The following AGBL1 variants were observed in gnomAD, a reference collection of about 807,000 sequenced individuals.
AGBL1 encodes the protein AGBL carboxypeptidase 1.
In AGBL1, 130 loss-of-function variants were observed where a neutral mutation model predicts 118.9. The ratio of observed to expected loss-of-function variants is 1.09; its 90% confidence interval spans 0.95 to 1.26. AGBL1 has a LOEUF of 1.26. Ranked by LOEUF, AGBL1 falls within the 50% of genes most tolerant of loss-of-function variation. The probability of loss-of-function intolerance (pLI) is 0.00; values close to 1 mark genes in which losing one functional copy is unlikely to be tolerated. For missense variants in AGBL1, 1,584 were observed against 1,298.1 expected (o/e 1.22, Z -3.38); for synonymous variants, 555 against 478.9 (o/e 1.16, Z -2.08).
intron 23 of AGBL1, among the ~76,000 whole-genome samples, chr15:86,940,307 GATAATA>G (rs1310324457): frequency 6.6e-6 from 1 of 151,882 alleles, no homozygotes; most frequent in African/African-American, 2.4e-5. Flanking sequence ...GTAAAATGGA[GATAATA>G]ATAATATAGA....
At chr15:86,969,460 G>C (rs955268761) in intron 23 of AGBL1, among the ~76,000 whole-genome samples, 2 of 151,728 alleles carry the variant, frequency 1.3e-5, no homozygotes, top group African/African-American at 4.9e-5. Context: ...CCATGTCCCA[G>C]ACCAGAGTCA....
chr15:86,221,725 C>T (rs2078283489), intron 5 of AGBL1, among the ~76,000 whole-genome samples: 1 of 151,976 alleles, frequency 6.6e-6, no homozygotes, highest in South Asian at 2.1e-4. Context: ...TATGTGGACA[C>T]TACATCCAAA....
chr15:86,520,669 G>T (rs928043789), intron 18 of AGBL1, among the ~76,000 whole-genome samples: 10 of 152,128 alleles, frequency 6.6e-5, no homozygotes, highest in Non-Finnish European at 1.3e-4. Context: ...TATACAAGCA[G>T]AAATGCTTTT....
intron 21 of AGBL1, among the ~76,000 whole-genome samples, chr15:86,633,588 TTA>T (rs1167662270): frequency 3.3e-5 from 5 of 151,988 alleles, no homozygotes; most frequent in East Asian, 1.9e-4. Context: ...TGATGGTTCT[TTA>T]TATAGGTGTT....
At chr15:86,972,121 G>A (rs2081114723) in intron 23 of AGBL1, among the ~76,000 whole-genome samples, 1 of 151,932 alleles carries the variant, frequency 6.6e-6, no homozygotes, top group South Asian at 2.1e-4. Flanking sequence ...CTAATACACT[G>A]ATGAATATAG....
intron 24 of AGBL1, among the ~76,000 whole-genome samples, chr15:87,017,388 A>T (rs1042242614): frequency 5.3e-5 from 8 of 152,130 alleles, no homozygotes; most frequent in African/African-American, 1.9e-4. Flanking sequence ...TTGGGCTGGC[A>T]ACATGTCCGT....
At chr15:86,972,314 C>T (rs1312579684) in intron 23 of AGBL1, among the ~76,000 whole-genome samples, 1 of 151,910 alleles carries the variant, frequency 6.6e-6, no homozygotes, top group Non-Finnish European at 1.5e-5. Flanking sequence ...CTGAAATAGG[C>T]CTTGCTATTT....
At chr15:86,487,085 C>G (rs2082722693) in intron 18 of AGBL1, among the ~76,000 whole-genome samples, 1 of 152,114 alleles carries the variant, frequency 6.6e-6, no homozygotes, top group African/African-American at 2.4e-5. Flanking sequence ...TCTAACCATC[C>G]TGCCAGCCCT....
chr15:86,105,591 G>A (rs1042510359), intron 1 of AGBL1, among the ~76,000 whole-genome samples: 1 of 152,192 alleles, frequency 6.6e-6, no homozygotes, highest in South Asian at 2.1e-4. Context: ...GAAGGAAGAA[G>A]GTGAGGGGAA....
chr15:86,301,481 T>C (rs2079744318), intron 17 of AGBL1, among the ~76,000 whole-genome samples: 1 of 151,960 alleles, frequency 6.6e-6, no homozygotes, highest in African/African-American at 2.4e-5. Context: ...TAATGAGTTC[T>C]CTCCATGGAA....
intron 19 of AGBL1, among the ~76,000 whole-genome samples, chr15:86,523,880 A>G (rs1373804473): frequency 2.6e-5 from 4 of 152,238 alleles, no homozygotes; most frequent in African/African-American, 9.6e-5. Flanking sequence ...ATGCTCATTT[A>G]TTAACTACAA....
intron 21 of AGBL1, among the ~76,000 whole-genome samples, chr15:86,605,491 T>C (rs533263471): frequency 1.3e-5 from 2 of 152,082 alleles, no homozygotes; most frequent in Admixed American, 6.5e-5. Context: ...AACTTCTACA[T>C]TGAGGGAAAT....
intron 18 of AGBL1, among the ~76,000 whole-genome samples, chr15:86,520,533 C>T (rs2083174918): frequency 1.3e-5 from 2 of 152,136 alleles, no homozygotes; most frequent in South Asian, 4.1e-4. Context: ...AGTGGTAATA[C>T]GTGAGCCTTC....
At chr15:86,690,988 G>C (rs1021556092) in intron 22 of AGBL1, among the ~76,000 whole-genome samples, 1 of 151,814 alleles carries the variant, frequency 6.6e-6, no homozygotes, top group African/African-American at 2.4e-5. Flanking sequence ...TCTTTTATGT[G>C]GACATTTATT....
chr15:87,027,184 C>G (rs2081737388), intron 24 of AGBL1, among the ~76,000 whole-genome samples: 1 of 151,926 alleles, frequency 6.6e-6, no homozygotes, highest in Non-Finnish European at 1.5e-5. Context: ...AAAAATAGCT[C>G]AACATCACTG....
chr15:86,188,838 GA>G (rs1890187936), intron 5 of AGBL1, among the ~76,000 whole-genome samples: 1 of 152,178 alleles, frequency 6.6e-6, no homozygotes, highest in East Asian at 1.9e-4. Flanking sequence ...GAGACAAGAA[GA>G]AATCTCTTGT....
At chr15:86,996,970 T>G (rs2081385957) in intron 24 of AGBL1, among the ~76,000 whole-genome samples, 1 of 152,158 alleles carries the variant, frequency 6.6e-6, no homozygotes, top group South Asian at 2.1e-4. Context: ...ATATCCATTA[T>G]AAAACTTATT....
chr15:86,282,759 G>A (rs1040922095), intron 16 of AGBL1, among the ~76,000 whole-genome samples: 8 of 152,170 alleles, frequency 5.3e-5, no homozygotes, highest in Admixed American at 5.2e-4. Context: ...AATTAAATGC[G>A]AATGATACCC....
chr15:86,124,654 T>G (rs1431716008), intron 1 of AGBL1, among the ~76,000 whole-genome samples: 1 of 152,164 alleles, frequency 6.6e-6, no homozygotes, highest in Non-Finnish European at 1.5e-5. Flanking sequence ...TTTAAGCAAA[T>G]CAGCATGTTC....
Sources: gnomAD v4.1 joint callset for allele counts (sites outside exome capture counted in the v4.1 genomes callset) on GRCh38, gnomAD v4.1.1 for gene constraint, MANE v1.5 for transcripts, NCBI Gene and HGNC (gene_info 2026-07-23, HGNC 2026-07-21) for gene names.